EDIL3: variants seen among roughly 807,000 people sequenced by gnomAD.
The protein encoded by EDIL3 is EGF like and discoidin domains 3, also known as EGF-like repeat and discoidin I-like domain-containing protein 3.
EDIL3 carries 37 observed loss-of-function variants against 67.4 expected under a neutral mutation model. The ratio of observed to expected loss-of-function variants is 0.55; its 90% CI spans 0.42 to 0.72. The LOEUF is 0.72. Among genes scored for constraint, EDIL3 ranks in the 30% least tolerant of loss-of-function variants. EDIL3 has a pLI of 0.00. For synonymous variants in EDIL3, 195 were observed against 196.3 expected (o/e 0.99, Z 0.05); for missense variants, 527 against 586.3 (o/e 0.90, Z 1.04).
intron 1 of EDIL3, among the ~76,000 whole-genome samples, chr5:84,255,919 G>C (rs920344979): frequency 3.9e-5 from 6 of 152,142 alleles, no homozygotes; most frequent in Non-Finnish European, 7.4e-5. Context: ...TTAGATCAGG[G>C]AGGATTAAAA....
intron 9 of EDIL3, among the ~76,000 whole-genome samples, chr5:84,027,298 C>T (rs950422077): frequency 9.9e-5 from 15 of 152,156 alleles, no homozygotes; most frequent in Non-Finnish European, 2.1e-4. Flanking sequence ...ATCTATATCT[C>T]ATTCATGTTT....
At chr5:84,075,912 A>ACG (rs1746846417) in intron 6 of EDIL3, among the ~76,000 whole-genome samples, 2 of 148,998 alleles carry the variant, frequency 1.3e-5, no homozygotes, top group Admixed American at 6.7e-5. Flanking sequence ...ACACACACAC[A>ACG]CACACAGACA....
At chr5:84,163,679 G>T (rs1748651575) in intron 4 of EDIL3, among the ~76,000 whole-genome samples, 1 of 151,992 alleles carries the variant, frequency 6.6e-6, no homozygotes, top group Non-Finnish European at 1.5e-5. Flanking sequence ...TTAGTAGTAA[G>T]GTATTAACAT....
chr5:84,371,895 A>G (rs2112213553), intron 1 of EDIL3, among the ~76,000 whole-genome samples: 1 of 152,264 alleles, frequency 6.6e-6, no homozygotes, highest in African/African-American at 2.4e-5. Flanking sequence ...CTTCTTATTC[A>G]TTCCCTTTAG....
chr5:84,233,030 G>A (rs1349675884), intron 2 of EDIL3, among the ~76,000 whole-genome samples: 1 of 152,064 alleles, frequency 6.6e-6, no homozygotes, highest in Non-Finnish European at 1.5e-5. Context: ...AAAAATCAGA[G>A]TCTATGGCAC....
intron 2 of EDIL3, among the ~76,000 whole-genome samples, chr5:84,237,443 G>T (rs1005559417): frequency 4.6e-5 from 7 of 151,986 alleles, no homozygotes; most frequent in African/African-American, 1.4e-4. Flanking sequence ...TTAGAAAATA[G>T]AAGTATATTT....
At chr5:84,287,169 A>C (rs1189043894) in intron 1 of EDIL3, among the ~76,000 whole-genome samples, 1 of 152,192 alleles carries the variant, frequency 6.6e-6, no homozygotes, top group Non-Finnish European at 1.5e-5. Flanking sequence ...TATTGAGCTA[A>C]AGCTGTATTT....
At chr5:84,204,189 T>G (rs943109001) in intron 3 of EDIL3, among the ~76,000 whole-genome samples, 1 of 152,146 alleles carries the variant, frequency 6.6e-6, no homozygotes, top group African/African-American at 2.4e-5. Flanking sequence ...CATTAGAAAG[T>G]TGTTATCAGT....
intron 3 of EDIL3, among the ~76,000 whole-genome samples, chr5:84,209,133 C>T (rs1744057078): frequency 1.3e-5 from 2 of 151,744 alleles, no homozygotes; most frequent in Non-Finnish European, 2.9e-5. Context: ...GGACAAAAAA[C>T]CAAACACCGC....
intron 5 of EDIL3, among the ~76,000 whole-genome samples, chr5:84,115,431 T>A (rs753128194): frequency 8.5e-5 from 13 of 152,218 alleles, no homozygotes; most frequent in Non-Finnish European, 1.9e-4. Flanking sequence ...ATAAAAATTG[T>A]CTATTAATAT....
At chr5:84,219,476 G>A (rs1744295808) in intron 3 of EDIL3, among the ~76,000 whole-genome samples, 1 of 152,102 alleles carries the variant, frequency 6.6e-6, no homozygotes, top group Non-Finnish European at 1.5e-5. Flanking sequence ...TGAGGACGTG[G>A]AGGAAAGGCA....
At chr5:84,175,381 A>AG (rs1748884882) in intron 4 of EDIL3, among the ~76,000 whole-genome samples, 1 of 152,218 alleles carries the variant, frequency 6.6e-6, no homozygotes, top group African/African-American at 2.4e-5. Context: ...TTTTAAAGGA[A>AG]GGGAAAAAAA....
chr5:84,330,496 G>C (rs1286163096), intron 1 of EDIL3, among the ~76,000 whole-genome samples: 1 of 152,070 alleles, frequency 6.6e-6, no homozygotes, highest in Non-Finnish European at 1.5e-5. Context: ...ACAAATATTT[G>C]AAATGTCATC....
intron 9 of EDIL3, among the ~76,000 whole-genome samples, chr5:84,031,911 G>A (rs7729302): frequency 0.051 from 7,830 of 152,158 alleles, 683 homozygotes; most frequent in African/African-American, 0.18. Context: ...ACAGAATCTC[G>A]TTGAAGGCTC....
intron 9 of EDIL3, among the ~76,000 whole-genome samples, chr5:83,964,960 A>C (rs1476061643): frequency 1.3e-5 from 2 of 152,036 alleles, no homozygotes; most frequent in Non-Finnish European, 2.9e-5. Context: ...TAATCCTCCC[A>C]ATAACCAACC....
rs750503493 is a variant in EDIL3 at position 84,064,864 on chromosome 5, A to G, written c.808-20T>C. The G allele has an allele frequency of 6.3e-7, 1 of 1,597,352 alleles. No individual in the cohort carries two copies. Among genetic ancestry groups the G allele is most frequent in the Non-Finnish European group, 8.5e-7 (1 of 1,170,518 alleles). On this transcript the variant is annotated intron_variant, in intron 7 of 10. Transcript: ENST00000296591. ...AAACACCTGTGTAAAAACAGTTTAA[A>G]ATTATTCACTGCAACAGCTTATTTA...
intron 1 of EDIL3, among the ~76,000 whole-genome samples, chr5:84,286,323 T>C (rs1745806463): frequency 6.6e-6 from 1 of 152,164 alleles, no homozygotes; most frequent in Non-Finnish European, 1.5e-5. Context: ...CCTGTCGTTA[T>C]TTTAAAAGAA....
chr5:84,117,128 C>T lies in EDIL3; in HGVS notation c.470-10298G>A, dbSNP rs1193115258. ...CTGCAAGCTCCGCCTCCCGGGTTCA[C>T]GCCATTCTCCCGCCTCAGCCTCCTG... On this transcript the variant is annotated intron_variant, in intron 5 of 10. Transcript: ENST00000296591. Among the ~76,000 whole-genome samples, 5 of 145,344 alleles carry T rather than the reference C, an allele frequency of 3.4e-5. No individual in the cohort carries two copies. In the East Asian group the frequency reaches 6.6e-4, roughly 19 times the overall value.
At chr5:83,953,546 T>C (rs1744455856) in intron 10 of EDIL3, among the ~76,000 whole-genome samples, 1 of 151,824 alleles carries the variant, frequency 6.6e-6, no homozygotes, top group Non-Finnish European at 1.5e-5. Flanking sequence ...ATGAGGAATG[T>C]CTTCCTTTAA....
Sources: allele counts gnomAD v4.1 joint callset (sites outside exome capture counted in the v4.1 genomes callset), GRCh38; gene constraint gnomAD v4.1.1; transcripts MANE v1.5; gene names NCBI Gene and HGNC (gene_info 2026-07-23, HGNC 2026-07-21).